MAF: variants seen among roughly 807,000 people sequenced by gnomAD.
MAF encodes the protein MAF bZIP transcription factor.
Under a neutral mutation model 22.0 loss-of-function variants are expected in MAF, and 10 were observed. That is an observed-to-expected ratio of 0.45 (90% confidence interval 0.28 to 0.77). MAF has a LOEUF of 0.77. MAF is among the 30% of genes least tolerant of loss of function. The probability of loss-of-function intolerance (pLI) is 0.12; values close to 1 mark genes in which losing one functional copy is unlikely to be tolerated. For synonymous variants in MAF, 337 were observed against 255.8 expected (o/e 1.32, Z -3.03); for missense variants, 544 against 548.4 (o/e 0.99, Z 0.08).
chr16:79,463,625 C>T, the MAF span, among the ~76,000 whole-genome samples: 208 of 152,282 alleles, frequency 1.4e-3, 2 homozygotes, highest in African/African-American at 4.9e-3. Context: ...TAGGTCAAGT[C>T]AAACCCTGCT....
the MAF span, among the ~76,000 whole-genome samples, chr16:79,386,884 T>C: frequency 0.39 from 58,590 of 151,944 alleles, 12,307 homozygotes; most frequent in East Asian, 0.7. Flanking sequence ...ATAAACCTCA[T>C]TGTATTGAAG....
chr16:79,241,654 C>A, the MAF span, among the ~76,000 whole-genome samples: 8 of 152,030 alleles, frequency 5.3e-5, no homozygotes, highest in African/African-American at 1.7e-4. Flanking sequence ...CCCAACCTGG[C>A]AAGGCAGGCC....
At chr16:79,329,917 A>G in the MAF span, among the ~76,000 whole-genome samples, 81,939 of 151,846 alleles carry the variant, frequency 0.54, 24,333 homozygotes, top group Non-Finnish European at 0.67. Flanking sequence ...CATACAGCAT[A>G]AAGAACAGAC....
chr16:79,589,692 G>C (rs544596413), downstream of MAF, among the ~76,000 whole-genome samples: 28 of 152,300 alleles, frequency 1.8e-4, no homozygotes, highest in African/African-American at 6.5e-4. Flanking sequence ...ACCCAGGAGA[G>C]CGGCGCACCG....
the MAF span, among the ~76,000 whole-genome samples, chr16:79,556,612 G>A: frequency 5.9e-5 from 9 of 152,324 alleles, no homozygotes; most frequent in East Asian, 1.7e-3. Context: ...GGGGACAAGG[G>A]TTGAGCAAGG....
At chr16:79,237,519 T>G in the MAF span, among the ~76,000 whole-genome samples, 3 of 152,058 alleles carry the variant, frequency 2.0e-5, no homozygotes, top group African/African-American at 7.2e-5. Context: ...CTTCCCATGG[T>G]TCTTCTGGCA....
the MAF span, among the ~76,000 whole-genome samples, chr16:79,565,522 T>A: frequency 6.6e-6 from 1 of 151,514 alleles, no homozygotes; most frequent in Admixed American, 6.6e-5. Context: ...GGGGGACCAG[T>A]TGGGAGGTGA....
chr16:79,455,629 A>G, the MAF span, among the ~76,000 whole-genome samples: 9 of 152,246 alleles, frequency 5.9e-5, no homozygotes, highest in Admixed American at 3.9e-4. Flanking sequence ...CCCACCTGTC[A>G]TAATCAAGAT....
the MAF span, among the ~76,000 whole-genome samples, chr16:79,566,009 T>C: frequency 1.3e-5 from 2 of 152,196 alleles, no homozygotes; most frequent in Non-Finnish European, 2.9e-5. Flanking sequence ...CCTGCACTGA[T>C]AGACCCTGGG....
the MAF span, among the ~76,000 whole-genome samples, chr16:79,216,334 G>A: frequency 6.6e-6 from 1 of 152,160 alleles, no homozygotes; most frequent in African/African-American, 2.4e-5. Context: ...ATGTGCATAT[G>A]CACATATATG....
the MAF span, among the ~76,000 whole-genome samples, chr16:79,370,749 T>A: frequency 6.6e-6 from 1 of 152,214 alleles, no homozygotes; most frequent in Non-Finnish European, 1.5e-5. Flanking sequence ...TGTTACCTGC[T>A]CATTCTCTTG....
downstream of MAF, among the ~76,000 whole-genome samples, chr16:79,583,070 C>T (rs7189642): frequency 0.2 from 30,328 of 152,058 alleles, 4,499 homozygotes; most frequent in African/African-American, 0.43. Context: ...TTTACTTTTA[C>T]ATTTGAAAGA....
the MAF span, among the ~76,000 whole-genome samples, chr16:79,432,574 T>C: frequency 6.6e-6 from 1 of 151,968 alleles, no homozygotes; most frequent in East Asian, 1.9e-4. Context: ...ACTGAAACAG[T>C]ACAAAACAAA....
the MAF span, among the ~76,000 whole-genome samples, chr16:79,478,632 G>A: frequency 1.3e-5 from 2 of 152,128 alleles, no homozygotes; most frequent in African/African-American, 2.4e-5. Flanking sequence ...ATCCCCGTGT[G>A]TCATTCCAGT....
chr16:79,400,811 C>T, the MAF span, among the ~76,000 whole-genome samples: 1 of 152,180 alleles, frequency 6.6e-6, no homozygotes, highest in African/African-American at 2.4e-5. Context: ...CTACAGCAGT[C>T]GACTTTCAAC....
the MAF span, among the ~76,000 whole-genome samples, chr16:79,509,311 A>C: frequency 6.6e-6 from 1 of 152,204 alleles, no homozygotes; most frequent in Non-Finnish European, 1.5e-5. Flanking sequence ...CCTGGTTGTG[A>C]TGCACAGCCC....
At chr16:79,470,598 G>A in the MAF span, among the ~76,000 whole-genome samples, 132,219 of 152,260 alleles carry the variant, frequency 0.87, 57,456 homozygotes, top group East Asian at 0.97. Context: ...ATTTTATTTA[G>A]TTCTCATAGC....
the MAF span, among the ~76,000 whole-genome samples, chr16:79,300,085 C>G: frequency 2.0e-5 from 3 of 152,012 alleles, no homozygotes; most frequent in Non-Finnish European, 4.4e-5. Flanking sequence ...AGCACATGCT[C>G]CAAAAATGTT....
chr16:79,289,710 A>C, the MAF span, among the ~76,000 whole-genome samples: 1 of 152,132 alleles, frequency 6.6e-6, no homozygotes, highest in Non-Finnish European at 1.5e-5. Context: ...TGTGGCTGAG[A>C]GAAGTCAAAT....
Sources: gnomAD v4.1 joint callset for allele counts (sites outside exome capture counted in the v4.1 genomes callset) on GRCh38, gnomAD v4.1.1 for gene constraint, MANE v1.5 for transcripts, NCBI Gene and HGNC (gene_info 2026-07-23, HGNC 2026-07-21) for gene names.